NCOA2: variants seen among roughly 807,000 people sequenced by gnomAD.
NCOA2 encodes the protein nuclear receptor coactivator 2, also known as class E basic helix-loop-helix protein 75.
In NCOA2, 21 loss-of-function variants were observed where a neutral mutation model predicts 145.1. The ratio of observed to expected loss-of-function variants is 0.14; its 90% CI spans 0.10 to 0.21. The LOEUF is 0.21. NCOA2 is among the 10% of genes least tolerant of loss of function. The pLI is 1.00. For synonymous variants in NCOA2, 619 were observed against 637.5 expected (o/e 0.97, Z 0.44); for missense variants, 1,472 against 1,837.6 (o/e 0.80, Z 3.64).
In NCOA2 at chr8:70,124,061, T is replaced by G; in HGVS notation, c.4116A>C (p.Pro1372=). 1.2e-6 allele frequency: 2 copies of G among 1,613,542 alleles called. No individual in the cohort carries two copies. Among genetic ancestry groups the G allele is most frequent in the Non-Finnish European group, 1.7e-6 (2 of 1,179,602 alleles). Residue 1372 remains proline (P), a synonymous_variant, in exon 21 of 23, where the codon CCA becomes CCC. Coordinates refer to ENST00000452400, the MANE Select transcript of NCOA2 (RefSeq NM_006540.4). ...TGTTTGCTTGCTGCCCAAAGTGTGG[T>G]GGGGACTGCTGGGAAAACATGCTGG... ...GGNSMFSQQS[P]PHFGQQANTS... is the part of the protein sequence containing the mutation.
intron 1 of NCOA2, among the ~76,000 whole-genome samples, chr8:70,354,089 A>G (rs894471994): frequency 6.6e-6 from 1 of 152,194 alleles, no homozygotes; most frequent in Non-Finnish European, 1.5e-5. Context: ...CCTTCTCCCA[A>G]GGGTATGACC....
intron 1 of NCOA2, among the ~76,000 whole-genome samples, chr8:70,312,592 C>T (rs889799516): frequency 6.6e-6 from 1 of 151,702 alleles, no homozygotes; most frequent in Non-Finnish European, 1.5e-5. Flanking sequence ...GAAAACACTT[C>T]TGTGTATTTT....
chr8:70,378,342 A>AT (rs1811869732), intron 1 of NCOA2, among the ~76,000 whole-genome samples: 1 of 152,134 alleles, frequency 6.6e-6, no homozygotes, highest in Admixed American at 6.5e-5. Context: ...TACAAAAAAT[A>AT]TTTTTGAATG....
chr8:70,160,340 AG>A (rs1219017018), intron 9 of NCOA2, among the ~76,000 whole-genome samples: 3 of 152,224 alleles, frequency 2.0e-5, no homozygotes, highest in Admixed American at 6.5e-5. Context: ...CTTTTAGATA[AG>A]GGATCAGGTG....
chr8:70,287,421 A>G (rs1320892699), intron 2 of NCOA2, among the ~76,000 whole-genome samples: 1 of 152,072 alleles, frequency 6.6e-6, no homozygotes, highest in African/African-American at 2.4e-5. Context: ...AGAATTGAAA[A>G]CTTTCTTCAA....
At chr8:70,264,179 T>C (rs1824373074) in intron 2 of NCOA2, among the ~76,000 whole-genome samples, 1 of 151,034 alleles carries the variant, frequency 6.6e-6, no homozygotes, top group East Asian at 2.0e-4. Flanking sequence ...GCCATTGCAC[T>C]CATCCAGCCT....
At chr8:70,163,835 G>A (rs947613573) in intron 7 of NCOA2, among the ~76,000 whole-genome samples, 3 of 151,890 alleles carry the variant, frequency 2.0e-5, no homozygotes, top group Non-Finnish European at 4.4e-5. Flanking sequence ...GAAATACATC[G>A]ACTACACTAA....
chr8:70,136,621 G>A (rs1295942937), intron 15 of NCOA2, among the ~76,000 whole-genome samples: 11 of 150,974 alleles, frequency 7.3e-5, no homozygotes, highest in Non-Finnish European at 1.2e-4. Flanking sequence ...ATGAATATGT[G>A]AATGTTACAG....
chr8:70,164,585 T>C (rs1045430008), intron 7 of NCOA2, among the ~76,000 whole-genome samples: 5 of 152,154 alleles, frequency 3.3e-5, no homozygotes, highest in East Asian at 1.9e-4. Context: ...CTAACTACTA[T>C]AGGACCCCAC....
chr8:70,386,653 A>G (rs1158871811), intron 1 of NCOA2, among the ~76,000 whole-genome samples: 2 of 152,224 alleles, frequency 1.3e-5, no homozygotes, highest in African/African-American at 2.4e-5. Context: ...ATTTTTAAAA[A>G]ATTAACTAAT....
At chr8:70,235,747 G>A (rs1363270527) in intron 2 of NCOA2, among the ~76,000 whole-genome samples, 1 of 152,156 alleles carries the variant, frequency 6.6e-6, no homozygotes, top group Admixed American at 6.5e-5. Flanking sequence ...GGGAGGCTGA[G>A]GCAGGAGGAT....
chr8:70,195,631 T>C (rs535261247), intron 4 of NCOA2, among the ~76,000 whole-genome samples: 1 of 152,190 alleles, frequency 6.6e-6, no homozygotes, highest in Non-Finnish European at 1.5e-5. Context: ...CATCTTATGT[T>C]CTATATTTTA....
chr8:70,110,476 A>G lies in NCOA2; in HGVS notation c.*3156T>C, dbSNP rs1806445102. 1 of 198,066 alleles carries G rather than the reference A, an allele frequency of 5.0e-6. No individual in the cohort carries two copies. 12.3% of individuals were successfully genotyped at this position (198,066 alleles called of 1,614,324 possible). Reference sequence around the variant, plus strand: ...TAATTAAAATCGAAGCCACTACAGTAATTTTCTTTTGTGCAGAGGATGCTT... The same window carrying G: ...TAATTAAAATCGAAGCCACTACAGTGATTTTCTTTTGTGCAGAGGATGCTT... On this transcript the variant is annotated 3_prime_UTR_variant, in exon 23 of 23. Transcript: ENST00000452400.
At position 70,274,841 on chromosome 8, in the gene NCOA2, G is replaced by T. The variant is rs193220210; in HGVS notation, c.-20+21903C>A. On this transcript the variant is annotated intron_variant, in intron 2 of 22. Transcript: ENST00000452400. ...TCATAATCAGGACCTCAATCTCATCGCTACTCGTGAACTCTGTTACCACTG... is the reference window on the plus strand; with the variant it reads ...TCATAATCAGGACCTCAATCTCATCTCTACTCGTGAACTCTGTTACCACTG... 1.1e-3 allele frequency among the ~76,000 whole-genome samples: 162 copies of T among 152,114 alleles called. 1 individual carries two copies. The highest frequency in any genetic ancestry group is 3.7e-3 in the African/African-American group (155 of 41,496).
At chr8:70,114,469 G>A (rs755819390) in intron 22 of NCOA2, among the ~76,000 whole-genome samples, 12 of 152,188 alleles carry the variant, frequency 7.9e-5, no homozygotes, top group Admixed American at 2.6e-4. Flanking sequence ...TTTGGCTACC[G>A]ACTATCTTCC....
intron 16 of NCOA2, among the ~76,000 whole-genome samples, chr8:70,131,432 G>C (rs763410812): frequency 2.0e-5 from 3 of 152,202 alleles, no homozygotes; most frequent in African/African-American, 4.8e-5. Flanking sequence ...CCAGCCCACA[G>C]GTGTGAAATG....
chr8:70,401,122 C>A (rs1357615798), intron 1 of NCOA2, among the ~76,000 whole-genome samples: 1 of 152,106 alleles, frequency 6.6e-6, no homozygotes, highest in African/African-American at 2.4e-5. Context: ...CACACGCGCA[C>A]ACACACATGC....
chr8:70,313,946 G>A (rs1022474194), intron 1 of NCOA2, among the ~76,000 whole-genome samples: 31 of 151,982 alleles, frequency 2.0e-4, no homozygotes, highest in African/African-American at 6.0e-4. Context: ...TGAGGAGGGC[G>A]GATCATGAGG....
At chr8:70,305,074 TG>T (rs1220151747) in intron 1 of NCOA2, among the ~76,000 whole-genome samples, 1 of 145,244 alleles carries the variant, frequency 6.9e-6, no homozygotes, top group Non-Finnish European at 1.5e-5. Flanking sequence ...TTTGTAGAGA[TG>T]GGGTTTTGCT....
Sources: allele counts gnomAD v4.1 joint callset (sites outside exome capture counted in the v4.1 genomes callset), GRCh38; gene constraint gnomAD v4.1.1; transcripts MANE v1.5; gene names NCBI Gene and HGNC (gene_info 2026-07-23, HGNC 2026-07-21).